Variants in UMODL1 observed in about 807,000 individuals in gnomAD.
UMODL1 encodes uromodulin like 1.
In UMODL1, 128 loss-of-function variants were observed where a neutral mutation model predicts 136.3. The observed-to-expected ratio is 0.94, with a 90% CI of 0.81 to 1.09. The LOEUF (loss-of-function observed/expected upper bound fraction) is 1.09, where lower values mean the gene tolerates loss of function less well. Among genes scored for constraint, UMODL1 ranks in the 50% least tolerant of loss-of-function variants. The pLI is 0.00. For missense variants in UMODL1, 1,766 were observed against 1,725.6 expected, an observed-to-expected ratio of 1.02 and a Z score of -0.41; for synonymous variants, 721 against 720.0, an observed-to-expected ratio of 1.00 and a Z score of -0.02.
chr21:42,075,168 G>T (rs939419686), intron 1 of UMODL1, among the ~76,000 whole-genome samples: 1 of 151,988 alleles, frequency 6.6e-6, no homozygotes, highest in Non-Finnish European at 1.5e-5. Flanking sequence ...AAAGTGCTGG[G>T]ATTGATTACA....
intron 1 of UMODL1, 58 bp downstream of exon 1, chr21:42,071,450 G>T: frequency 6.8e-7 from 1 of 1,468,272 alleles, no homozygotes; most frequent in South Asian, 1.4e-5. Flanking sequence ...CCTGGCATGG[G>T]TCTCATGAGG....
rs377170083 is a variant in UMODL1 at position 42,130,245 on chromosome 21, T to TGTGTGC, written c.3775+449_3775+450insTGTGCG. On this transcript the variant is annotated intron_variant, in intron 21 of 22. Transcript: ENST00000408910. The stretch of plus-strand genomic sequence containing the variant: ...ACGTGTGTGTGTGTGTGTGTGTGTG[T>TGTGTGC]GCGTGCACACGAATGTGCATGCACA... Among the ~76,000 whole-genome samples, 75 of 151,968 alleles carry TGTGTGC rather than the reference T, an allele frequency of 4.9e-4. No individual in the cohort carries two copies. In the East Asian group the frequency reaches 6.8e-3, roughly 14 times the overall value.
At chr21:42,065,450 G>A (rs992387377) in intron 1 of UMODL1, among the ~76,000 whole-genome samples, 3 of 152,196 alleles carry the variant, frequency 2.0e-5, no homozygotes, top group Admixed American at 6.5e-5. Flanking sequence ...GCTGGTGCAG[G>A]TGTGGATCGA....
In UMODL1 at chr21:42,121,219, G is replaced by A; in HGVS notation, c.2822G>A (p.Cys941Tyr). 3 of 1,611,208 alleles carry A rather than the reference G, an allele frequency of 1.9e-6. No homozygotes were observed. Among genetic ancestry groups the A allele is most frequent in the Non-Finnish European group, 2.5e-6 (3 of 1,178,728 alleles). ...CCTGTGGAATATTCTGAGAGACCCT[G>A]TGAAGGTAATGTCGTCAGAGTTTCT... ...DFPVEYSERP[C>Y]EGDSPGNETW... The change falls in exon 16 of 23, where the codon TGT (cysteine) becomes TAT (tyrosine). Residue 941 changes from cysteine to tyrosine, a missense_variant. Cys to Tyr is a radical substitution (Grantham distance 194). Transcript: ENST00000408910.
At chr21:42,140,039 G>A (rs2067258375) in intron 22 of UMODL1, among the ~76,000 whole-genome samples, 1 of 152,188 alleles carries the variant, frequency 6.6e-6, no homozygotes, top group Admixed American at 6.5e-5. Context: ...ATTGGCTTGA[G>A]TTCTCTGGGC....
rs567479508 is a variant in UMODL1 at position 42,127,365 on chromosome 21, A to G, written c.3530+123A>G. On this transcript the variant is annotated intron_variant, in intron 19 of 22. Coordinates refer to ENST00000408910, the MANE Select transcript of UMODL1 (RefSeq NM_001004416.3). ...GCCCAGGGCTTCATTAACAATAGGT[A>G]GGGCTCAGGAGTGCAGGCACCCCTG... The G allele has an allele frequency of 3.8e-5, 36 of 956,092 alleles. No homozygotes were observed. The African/African-American group carries it at 5.8e-4, about 16-fold the overall frequency. The allele number at this position is 956,092 out of a possible 1,614,324, so 59.2% of individuals were successfully genotyped here. A position where few individuals can be genotyped will look rare whatever the true frequency, so the allele number is the denominator to read the frequency against.
chr21:42,118,319 C>T (rs1416825575), intron 14 of UMODL1, among the ~76,000 whole-genome samples: 1 of 152,248 alleles, frequency 6.6e-6, no homozygotes, highest in Non-Finnish European at 1.5e-5. Context: ...ATCTGTTCAC[C>T]TTGGTGGCCC....
intron 9 of UMODL1, among the ~76,000 whole-genome samples, chr21:42,105,732 C>A (rs975464064): frequency 9.2e-5 from 14 of 152,170 alleles, no homozygotes; most frequent in African/African-American, 3.1e-4. Context: ...CTGGGAAAGC[C>A]CCTTTCCTAG....
intron 9 of UMODL1, among the ~76,000 whole-genome samples, chr21:42,104,873 C>T (rs766562581): frequency 1.4e-4 from 22 of 152,340 alleles, no homozygotes; most frequent in Non-Finnish European, 2.5e-4. Flanking sequence ...GACAGAAAGG[C>T]ACGGAGACCA....
rs1715390452 is a variant in UMODL1 at position 42,119,287 on chromosome 21, T to C, written c.2652T>C (p.Pro884=). The C allele has an allele frequency of 6.2e-7, 1 of 1,614,064 alleles. No homozygotes were observed. The highest frequency in any genetic ancestry group is 1.7e-5 in the Admixed American group (1 of 60,014). The change falls in exon 15 of 23, where the codon CCT becomes CCC. Residue 884 remains proline (P), a synonymous_variant. Transcript: ENST00000408910. ...AAFLTAFQTV[P]LLEVIRGDTF... is the part of the protein sequence containing the mutation. ...TTCTCACCGCCTTCCAGACCGTGCC[T>C]CTGCTGGAGGTGATCAGAGGCGACA... is the stretch of plus-strand genomic sequence containing the variant.
intron 19 of UMODL1, 149 bp downstream of exon 19, chr21:42,127,391 T>C (rs569825102): frequency 1.2e-6 from 1 of 833,580 alleles, no homozygotes; most frequent in East Asian, 2.4e-5. Flanking sequence ...GGCACCCCTG[T>C]CCAGCAATGC....
intron 1 of UMODL1, among the ~76,000 whole-genome samples, chr21:42,065,069 G>A (rs2066172239): frequency 6.6e-6 from 1 of 152,190 alleles, no homozygotes; most frequent in Non-Finnish European, 1.5e-5. Flanking sequence ...ATTCGAGGTA[G>A]AGGCAACTCA....
chr21:42,118,999 G>T, intron 14 of UMODL1, 112 bp from the exon 15 acceptor site: 4 of 1,091,460 alleles, frequency 3.7e-6, no homozygotes, highest in Non-Finnish European at 1.3e-6. Context: ...CTTTTACTTT[G>T]TGCCACGGGC....
At chr21:42,083,928 G>A (rs1457590116) in intron 2 of UMODL1, among the ~76,000 whole-genome samples, 156 bp from the exon 3 acceptor site, 2 of 152,260 alleles carry the variant, frequency 1.3e-5, no homozygotes, top group African/African-American at 2.4e-5. Flanking sequence ...CCCTCCAATG[G>A]GGTGGGTGTC....
In UMODL1 at chr21:42,111,629, C is replaced by T. The variant is rs774427422; in HGVS notation, c.2023C>T (p.Arg675Ter). 1.9e-5 allele frequency: 30 copies of T among 1,614,092 alleles called. No homozygotes were observed. Among genetic ancestry groups the T allele is most frequent in the African/African-American group, 1.1e-4 (8 of 75,032 alleles). ...RETLLNPTWL[R>*]NEDSGPSGSV... ...AACACTTCTGAATCCCACGTGGCTGCGAAATGAGGACAGTGGACCCTCCGG... is the reference window on the plus strand; with the variant it reads ...AACACTTCTGAATCCCACGTGGCTGTGAAATGAGGACAGTGGACCCTCCGG... The change falls in exon 12 of 23, where the codon CGA (arginine) becomes TGA (stop). Residue 675 changes from arginine (R) to a stop codon, truncating the protein, a stop_gained. Transcript: ENST00000408910. LOFTEE classifies it high-confidence loss of function.
Position 42,137,476 on chromosome 21 carries a change from T to G in UMODL1, c.3813T>G (p.Gly1271=), listed in dbSNP as rs563300008. ...ATGCAGAAGCAGGCCTGGGTGCCGGTTATGTGGTCCTTATTGTGGTGGCCA... is the reference window on the plus strand; with the variant it reads ...ATGCAGAAGCAGGCCTGGGTGCCGGGTATGTGGTCCTTATTGTGGTGGCCA... ...PPHAEAGLGA[G]YVVLIVVAIF... The change falls in exon 22 of 23, where the codon GGT becomes GGG. Residue 1271 remains glycine (G), a synonymous_variant. Transcript: ENST00000408910. 6.8e-6 allele frequency: 11 copies of G among 1,614,210 alleles called. No individual in the cohort carries two copies. The South Asian group carries it at 1.2e-4, about 18-fold the overall frequency.
chr21:42,076,191 G>C lies in UMODL1; in HGVS notation c.263G>C (p.Arg88Thr). 1.2e-6 allele frequency: 2 copies of C among 1,614,244 alleles called. No individual in the cohort carries two copies. Among genetic ancestry groups the C allele is most frequent in the Non-Finnish European group, 1.7e-6 (2 of 1,180,048 alleles). Reference sequence around the variant, plus strand: ...CTGGTAGTGGAGGTCCCCGAGTCCAGGAACGTGACTGACTGCTGTGAGGGC... The same window carrying C: ...CTGGTAGTGGAGGTCCCCGAGTCCACGAACGTGACTGACTGCTGTGAGGGC... ...QYLVVEVPESRNVTDCCEGYE... is the reference protein window; with the variant it reads ...QYLVVEVPESTNVTDCCEGYE... Residue 88 changes from arginine (R) to threonine (T), a missense_variant, in exon 2 of 23, where the codon AGG (arginine) becomes ACG (threonine). Coordinates refer to ENST00000408910, the MANE Select transcript of UMODL1 (RefSeq NM_001004416.3).
At chr21:42,087,859 C>T (rs1413372343) in intron 4 of UMODL1, among the ~76,000 whole-genome samples, 9 of 152,220 alleles carry the variant, frequency 5.9e-5, no homozygotes, top group Admixed American at 3.3e-4. Context: ...TCTCCTTGGC[C>T]TGCAGACGGC....
intron 21 of UMODL1, among the ~76,000 whole-genome samples, chr21:42,131,020 A>C (rs1490103670): frequency 6.6e-6 from 1 of 152,048 alleles, no homozygotes; most frequent in African/African-American, 2.4e-5. Flanking sequence ...TCACTGTGTT[A>C]GCCAGGATGG....
Sources: gnomAD v4.1 joint callset for allele counts (sites outside exome capture counted in the v4.1 genomes callset) on GRCh38, gnomAD v4.1.1 for gene constraint, MANE v1.5 for transcripts, NCBI Gene and HGNC (gene_info 2026-07-23, HGNC 2026-07-21) for gene names.